BCAS3: variants seen among roughly 807,000 people sequenced by gnomAD.
The protein encoded by BCAS3 is BCAS4/BCAS3 fusion.
A neutral mutation model predicts 116.1 loss-of-function variants in BCAS3; 53 were observed. The observed-to-expected ratio is 0.46, with a 90% CI of 0.37 to 0.57. The LOEUF is 0.57. Ranked by LOEUF, BCAS3 falls within the 20% of genes least tolerant of loss-of-function variation. BCAS3 has a pLI of 0.00. For missense variants in BCAS3, 917 were observed against 1,165.4 expected (o/e 0.79, Z 3.10); for synonymous variants, 391 against 408.2 (o/e 0.96, Z 0.51).
In BCAS3 at chr17:60,964,717, T is replaced by C. The variant is rs2061570537; in HGVS notation, c.1221+17365T>C. Among the ~76,000 whole-genome samples the C allele has an allele frequency of 6.6e-6, 1 of 152,148 alleles. No homozygotes were observed. The highest frequency in any genetic ancestry group is 2.1e-4 in the South Asian group (1 of 4,830). On this transcript the variant is annotated intron_variant, in intron 14 of 23. Transcript: ENST00000407086. The surrounding 1 kb of genome is among the most constrained non-coding windows in gnomAD (Gnocchi z 4.6). Reference sequence around the variant, plus strand: ...GCTTTTTATTACAGCTTCAGTTTTGTTACTTGTTATTGGTTTGTTGAGGTT... The same window carrying C: ...GCTTTTTATTACAGCTTCAGTTTTGCTACTTGTTATTGGTTTGTTGAGGTT...
intron 7 of BCAS3, among the ~76,000 whole-genome samples, chr17:60,867,169 C>A (rs2054674892): frequency 6.6e-6 from 1 of 151,174 alleles, no homozygotes; most frequent in Non-Finnish European, 1.5e-5. Context: ...TGCAGTAGCA[C>A]AATCTTGGCT....
At position 61,078,500 on chromosome 17, in the gene BCAS3, T is replaced by C. The variant is rs759877541; in HGVS notation, c.2298T>C (p.Asp766=). ...CGCCACAGCCTCTTTTGGATTTTGA[T>C]ACAGATGATCTTGATCTCAACAGTC... The part of the protein sequence containing the change: ...SDTPQPLLDF[D]TDDLDLNSLR... Residue 766 remains aspartate (D), a synonymous_variant, in exon 21 of 24, where the codon GAT becomes GAC. Transcript: ENST00000407086. The C allele has an allele frequency of 1.9e-6, 3 of 1,614,116 alleles. No homozygotes were observed. Among genetic ancestry groups the C allele is most frequent in the Non-Finnish European group, 2.5e-6 (3 of 1,179,958 alleles).
chr17:61,336,341 G>T (rs1055278137), intron 22 of BCAS3, among the ~76,000 whole-genome samples: 1 of 152,222 alleles, frequency 6.6e-6, no homozygotes, highest in African/African-American at 2.4e-5. Context: ...ATACTATTAA[G>T]CTTTTTGCAC....
intron 12 of BCAS3, among the ~76,000 whole-genome samples, chr17:60,921,581 C>A (rs904219714): frequency 1.4e-5 from 2 of 147,438 alleles, no homozygotes; most frequent in African/African-American, 5.0e-5. Flanking sequence ...CCACTGCACT[C>A]CAGCCTGGGC....
At chr17:60,835,210 G>A (rs1487808058) in intron 7 of BCAS3, among the ~76,000 whole-genome samples, 1 of 151,766 alleles carries the variant, frequency 6.6e-6, no homozygotes, top group African/African-American at 2.4e-5. Context: ...TGCTATTAAA[G>A]CTATAAATAT....
chr17:60,810,555 C>A, intron 7 of BCAS3: 1 of 869,586 alleles, frequency 1.1e-6, no homozygotes. Context: ...GCCATTACTT[C>A]AAGACCATCG....
intron 21 of BCAS3, among the ~76,000 whole-genome samples, chr17:61,079,671 C>G (rs1285671592): frequency 2.0e-5 from 3 of 152,074 alleles, no homozygotes; most frequent in Non-Finnish European, 2.9e-5. Context: ...TCTCTGCTCA[C>G]TGCAACCTCT....
At chr17:61,147,394 G>C (rs1202373706) in intron 22 of BCAS3, among the ~76,000 whole-genome samples, 1 of 151,790 alleles carries the variant, frequency 6.6e-6, no homozygotes, top group Non-Finnish European at 1.5e-5. Flanking sequence ...CTAATTTTTG[G>C]TTTTGGTTTT....
At position 61,366,229 on chromosome 17, in the gene BCAS3, T is replaced by C. The variant is rs2058724659; in HGVS notation, c.2426-2098T>C. Among the ~76,000 whole-genome samples the C allele has an allele frequency of 6.6e-6, 1 of 152,092 alleles. No individual in the cohort carries two copies. Among genetic ancestry groups the C allele is most frequent in the South Asian group, 2.1e-4 (1 of 4,822 alleles). On this transcript the variant is annotated intron_variant, in intron 22 of 23. Coordinates refer to ENST00000407086, the MANE Select transcript of BCAS3 (RefSeq NM_017679.5). The surrounding 1 kb of genome is among the most constrained non-coding windows in gnomAD (Gnocchi z 4.5). The stretch of plus-strand genomic sequence containing the variant: ...AAGTCCTTGCGTCGCATGCAGACCC[T>C]TCAGAGAAACGATGATGCTTTAGCA...
chr17:61,072,505 T>A (rs2071531350), intron 19 of BCAS3, among the ~76,000 whole-genome samples: 1 of 152,116 alleles, frequency 6.6e-6, no homozygotes, highest in Non-Finnish European at 1.5e-5. Flanking sequence ...TAAATACTTA[T>A]TGAGTACTTG....
At chr17:61,290,788 A>T (rs888364165) in intron 22 of BCAS3, among the ~76,000 whole-genome samples, 13 of 149,076 alleles carry the variant, frequency 8.7e-5, no homozygotes, top group African/African-American at 2.7e-4. Flanking sequence ...TTTAGTTTGC[A>T]TTTTTTTTTT....
chr17:60,993,919 A>T lies in BCAS3; in HGVS notation c.1486+3684A>T, dbSNP rs2063686797. ...TTCCAGAGGATGTTTATTTATTTGA[A>T]ATATATTCTTTATAAATATCTCTTC... On this transcript the variant is annotated intron_variant, in intron 15 of 23. Transcript: ENST00000407086. The surrounding 1 kb of genome is among the most constrained non-coding windows in gnomAD (Gnocchi z 4.2). 6.6e-6 allele frequency among the ~76,000 whole-genome samples: 1 copy of T among 152,108 alleles called. No individual in the cohort carries two copies. The highest frequency in any genetic ancestry group is 2.1e-4 in the South Asian group (1 of 4,834).
intron 22 of BCAS3, among the ~76,000 whole-genome samples, chr17:61,357,505 C>T (rs1376492412): frequency 2.7e-5 from 4 of 148,456 alleles, no homozygotes; most frequent in South Asian, 4.2e-4. Flanking sequence ...AGTGCAGTGG[C>T]GCGATCTCGG....
chr17:61,069,755 T>C, intron 19 of BCAS3: 1 of 627,648 alleles, frequency 1.6e-6, no homozygotes, highest in Non-Finnish European at 2.8e-6. Flanking sequence ...GGAGGATCGC[T>C]TGAACACAAG....
chr17:61,129,709 G>T (rs1297337225), intron 22 of BCAS3, among the ~76,000 whole-genome samples: 1 of 152,222 alleles, frequency 6.6e-6, no homozygotes, highest in African/African-American at 2.4e-5. Context: ...TTAGGGAGGT[G>T]CCGATCTTCA....
Position 61,354,034 on chromosome 17 carries a change from A to G in BCAS3, c.2426-14293A>G, listed in dbSNP as rs2058016273. The G allele has an allele frequency of 6.6e-6, 1 of 152,190 alleles. No homozygotes were observed. Among genetic ancestry groups the G allele is most frequent in the Admixed American group, 6.6e-5 (1 of 15,266 alleles). The allele number at this position is 152,190 out of a possible 1,614,324, so 9.4% of individuals were successfully genotyped here. On this transcript the variant is annotated intron_variant, in intron 22 of 23. Coordinates refer to ENST00000407086, the MANE Select transcript of BCAS3 (RefSeq NM_017679.5). The surrounding 1 kb of genome is among the most constrained non-coding windows in gnomAD (Gnocchi z 4.5). ...GCACTGGCCAGACTGTAGCAAGGCC[A>G]CTCACCAGGCCACCCCGCTGGTTCT...
chr17:60,780,350 G>C (rs891108473), intron 6 of BCAS3, among the ~76,000 whole-genome samples: 1 of 149,324 alleles, frequency 6.7e-6, no homozygotes, highest in Admixed American at 6.7e-5. Flanking sequence ...ACTGGGGTGC[G>C]GTGGAGCGAT....
chr17:61,116,432 T>C (rs1320923715), intron 22 of BCAS3, among the ~76,000 whole-genome samples: 2 of 152,206 alleles, frequency 1.3e-5, no homozygotes, highest in Non-Finnish European at 2.9e-5. Context: ...ACCATCCTGA[T>C]TTATAATATA....
Position 61,362,850 on chromosome 17 carries a change from GTTTTCTGCTCACTTA to G in BCAS3, c.2426-5475_2426-5461del, listed in dbSNP as rs2058522883. 6.6e-6 allele frequency: 1 copy of G among 152,120 alleles called. No individual in the cohort carries two copies. The highest frequency in any genetic ancestry group is 1.5e-5 in the Non-Finnish European group (1 of 68,034). The allele number at this position is 152,120 out of a possible 1,614,324, so 9.4% of individuals were successfully genotyped here. On this transcript the variant is annotated intron_variant, in intron 22 of 23. Transcript: ENST00000407086. The surrounding 1 kb of genome is among the most constrained non-coding windows in gnomAD (Gnocchi z 4.4). Reference sequence around the variant, plus strand: ...GGCAGTAGAGTAAAATTGTGACATTGTTTTCTGCTCACTTATCTTCTTCTTCCTTCCTCTCTTTTA... The same window carrying G: ...GGCAGTAGAGTAAAATTGTGACATTGTCTTCTTCTTCCTTCCTCTCTTTTA...
Sources: gnomAD v4.1 joint callset for allele counts (sites outside exome capture counted in the v4.1 genomes callset) on GRCh38, gnomAD v4.1.1 for gene constraint, Gnocchi (gnomAD v3.1) non-coding constraint, MANE v1.5 for transcripts, NCBI Gene and HGNC (gene_info 2026-07-23, HGNC 2026-07-21) for gene names.